Variants in CDH12 observed in about 807,000 individuals in gnomAD.
CDH12 encodes cadherin-12.
Under a neutral mutation model 74.1 loss-of-function variants are expected in CDH12, and 41 were observed. The ratio of observed to expected loss-of-function variants is 0.55; its 90% CI spans 0.43 to 0.72. CDH12 has a LOEUF of 0.72. Among genes scored for constraint, CDH12 ranks in the 30% least tolerant of loss-of-function variants. The pLI is 0.00. For synonymous variants in CDH12, 399 were observed against 355.0 expected (o/e 1.12, Z -1.39); for missense variants, 945 against 977.2 (o/e 0.97, Z 0.44).
At chr5:22,253,303 T>C (rs1468597481) in intron 3 of CDH12, among the ~76,000 whole-genome samples, 1 of 151,964 alleles carries the variant, frequency 6.6e-6, no homozygotes, top group African/African-American at 2.4e-5. Context: ...AGCTGTATCA[T>C]GATTTAGCTT....
At chr5:22,659,450 T>A (rs1740232567) in intron 1 of CDH12, among the ~76,000 whole-genome samples, 1 of 152,074 alleles carries the variant, frequency 6.6e-6, no homozygotes, top group African/African-American at 2.4e-5. Context: ...CTTGGGAAAT[T>A]TTTCCTGTTA....
At chr5:21,977,107 A>G (rs1311449595) in intron 5 of CDH12, among the ~76,000 whole-genome samples, 2 of 152,090 alleles carry the variant, frequency 1.3e-5, no homozygotes, top group Admixed American at 1.3e-4. Flanking sequence ...ATGAGAGTAT[A>G]AGCAAAACCA....
At position 21,852,841 on chromosome 5, in the gene CDH12, G is replaced by A. The variant is rs188395654; in HGVS notation, c.646+1830C>T. Among the ~76,000 whole-genome samples the A allele has an allele frequency of 1.6e-3, 242 of 151,280 alleles. 2 individuals carry two copies. Among genetic ancestry groups the A allele is most frequent in the Non-Finnish European group, 7.3e-4 (49 of 67,518 alleles). ...TTCTTCATAAGCTGAAGGGATCTAA[G>A]AGAACAGCATTGTCCATACTTCCAT... On this transcript the variant is annotated intron_variant, in intron 7 of 14. Transcript: ENST00000382254.
chr5:22,688,539 TTTCTA>T (rs1741927312), intron 1 of CDH12, among the ~76,000 whole-genome samples: 1 of 152,212 alleles, frequency 6.6e-6, no homozygotes, highest in African/African-American at 2.4e-5. Flanking sequence ...CGATGGAACA[TTTCTA>T]TTATATTCTT....
intron 4 of CDH12, among the ~76,000 whole-genome samples, chr5:22,118,006 T>C (rs754488903): frequency 3.9e-5 from 6 of 152,016 alleles, no homozygotes; most frequent in Non-Finnish European, 5.9e-5. Context: ...ATGAAGAAAA[T>C]GGTGAAAAAA....
At chr5:21,900,169 A>C (rs908887752) in intron 6 of CDH12, among the ~76,000 whole-genome samples, 2 of 152,178 alleles carry the variant, frequency 1.3e-5, no homozygotes, top group African/African-American at 4.8e-5. Context: ...AGCTCTCTAA[A>C]GTATACATTC....
At chr5:21,838,609 C>T (rs940163123) in intron 8 of CDH12, among the ~76,000 whole-genome samples, 1 of 152,050 alleles carries the variant, frequency 6.6e-6, no homozygotes, top group Non-Finnish European at 1.5e-5. Context: ...TTATCCTCTA[C>T]ATTTTTTGCA....
At chr5:22,373,379 C>T (rs1741382023) in intron 3 of CDH12, among the ~76,000 whole-genome samples, 1 of 152,278 alleles carries the variant, frequency 6.6e-6, no homozygotes, top group Admixed American at 6.5e-5. Flanking sequence ...CTAATAATAT[C>T]ACCCACATCA....
chr5:22,612,385 T>C (rs1208736575), intron 1 of CDH12, among the ~76,000 whole-genome samples: 1 of 152,134 alleles, frequency 6.6e-6, no homozygotes, highest in Non-Finnish European at 1.5e-5. Flanking sequence ...TGTGCAGATA[T>C]CTTATATTTA....
At chr5:22,156,063 T>A (rs1048291951) in intron 4 of CDH12, among the ~76,000 whole-genome samples, 1 of 152,152 alleles carries the variant, frequency 6.6e-6, no homozygotes, top group South Asian at 2.1e-4. Flanking sequence ...CTTACTGATA[T>A]ATATATATAA....
chr5:22,363,946 A>T (rs546153254), intron 3 of CDH12, among the ~76,000 whole-genome samples: 1 of 152,310 alleles, frequency 6.6e-6, no homozygotes, highest in African/African-American at 2.4e-5. Context: ...GATAGTTTTC[A>T]TAAACATGGG....
chr5:22,286,021 A>T (rs747657067), intron 3 of CDH12, among the ~76,000 whole-genome samples: 5 of 152,018 alleles, frequency 3.3e-5, no homozygotes, highest in Admixed American at 2.0e-4. Flanking sequence ...CATATAATTC[A>T]TAAGTGGTCT....
chr5:21,783,330 A>G (rs1482066283), intron 11 of CDH12, 28 bp downstream of exon 11: 1 of 1,598,618 alleles, frequency 6.3e-7, no homozygotes, highest in Non-Finnish European at 8.5e-7. Context: ...CTGCAGTATA[A>G]CATTGATTCT....
intron 6 of CDH12, among the ~76,000 whole-genome samples, chr5:21,935,717 A>G (rs1755046338): frequency 6.6e-6 from 1 of 152,288 alleles, no homozygotes; most frequent in East Asian, 1.9e-4. Flanking sequence ...TTTTATACCT[A>G]TTAGTCTGCC....
chr5:22,296,519 C>T (rs1179992964), intron 3 of CDH12, among the ~76,000 whole-genome samples: 1 of 151,988 alleles, frequency 6.6e-6, no homozygotes, highest in Admixed American at 6.6e-5. Context: ...TAGAGAGAAG[C>T]TTTATTTTGT....
chr5:22,562,311 C>G (rs1739088883), intron 1 of CDH12, among the ~76,000 whole-genome samples: 1 of 150,510 alleles, frequency 6.6e-6, no homozygotes, highest in Non-Finnish European at 1.5e-5. Flanking sequence ...AGCGAGACTC[C>G]GTCTCAAAAA....
At chr5:22,040,781 C>T (rs1002624369) in intron 5 of CDH12, among the ~76,000 whole-genome samples, 2 of 151,974 alleles carry the variant, frequency 1.3e-5, no homozygotes, top group Non-Finnish European at 2.9e-5. Flanking sequence ...CACCACTAGA[C>T]CAGAGCTACA....
At chr5:21,882,806 C>G (rs1371235892) in intron 6 of CDH12, 1 of 1,563,406 alleles carries the variant, frequency 6.4e-7, no homozygotes, top group Non-Finnish European at 8.8e-7. Flanking sequence ...GAAGTCCCAA[C>G]GTAACAAAAG....
At chr5:21,799,809 TG>T (rs1747009504) in intron 10 of CDH12, among the ~76,000 whole-genome samples, 1 of 152,104 alleles carries the variant, frequency 6.6e-6, no homozygotes, top group African/African-American at 2.4e-5. Context: ...GAAGACACAC[TG>T]GGGTAGGGTC....
Sources: allele counts gnomAD v4.1 joint callset (sites outside exome capture counted in the v4.1 genomes callset), GRCh38; gene constraint gnomAD v4.1.1; transcripts MANE v1.5; gene names NCBI Gene and HGNC (gene_info 2026-07-23, HGNC 2026-07-21).